CDH18: variants seen among roughly 807,000 people sequenced by gnomAD.
CDH18 encodes the protein cadherin-18.
A neutral mutation model predicts 67.9 loss-of-function variants in CDH18; 31 were observed. The ratio of observed to expected loss-of-function variants is 0.46; its 90% CI spans 0.34 to 0.62. The LOEUF is 0.62. CDH18 is among the 20% of genes least tolerant of loss of function. The pLI is 0.01. For missense variants in CDH18, 890 were observed against 975.5 expected (o/e 0.91, Z 1.17); for synonymous variants, 362 against 347.2 (o/e 1.04, Z -0.48).
chr5:19,507,773 G>A lies in CDH18; in HGVS notation c.1513-4664C>T, dbSNP rs1001894852. Among the ~76,000 whole-genome samples the A allele has an allele frequency of 8.5e-5, 13 of 152,224 alleles. No individual in the cohort carries two copies. The East Asian group carries it at 1.7e-3, about 20-fold the overall frequency. On this transcript the variant is annotated intron_variant, in intron 10 of 12. Transcript: ENST00000382275. ...CCTGTTGTGGGTTGGGAGGAGGGGC[G>A]AGGGATAACATTAGGAGATATATCT...
chr5:19,917,162 T>G (rs1235628309), intron 2 of CDH18, among the ~76,000 whole-genome samples: 1 of 152,198 alleles, frequency 6.6e-6, no homozygotes, highest in Admixed American at 6.5e-5. Context: ...CATAGTGACT[T>G]CTAAAAATTA....
In CDH18 at chr5:19,472,370, GA is replaced by G. The variant is rs1415644227; in HGVS notation, c.*855del. ...ATATAATAAAACAAGTGGAAAAAAG[GA>G]AAAAAAAAGTTCCCCAACATTTGGT... On this transcript the variant is annotated 3_prime_UTR_variant, in exon 13 of 13. Coordinates refer to ENST00000382275, the MANE Select transcript of CDH18 (RefSeq NM_004934.5). 1.1e-4 allele frequency among the ~76,000 whole-genome samples: 17 copies of G among 150,832 alleles called. No homozygotes were observed. The highest frequency in any genetic ancestry group is 1.6e-4 in the Non-Finnish European group (11 of 67,570).
In CDH18 at chr5:19,956,043, A is replaced by G. The variant is rs12187238; in HGVS notation, c.-257+25017T>C. On this transcript the variant is annotated intron_variant, in intron 2 of 12. Coordinates refer to ENST00000382275, the MANE Select transcript of CDH18 (RefSeq NM_004934.5). ...TAAGGGGCTACCTTAGAACAACATG[A>G]TATTTTCATAGTAGTTAGTGAAAAC... 8.6e-3 allele frequency among the ~76,000 whole-genome samples: 1,303 copies of G among 152,174 alleles called. 9 individuals are homozygous for G. The highest frequency in any genetic ancestry group is 0.02 in the Middle Eastern group (6 of 294).
At chr5:20,425,887 A>G (rs1026842384) in intron 1 of CDH18, among the ~76,000 whole-genome samples, 1 of 150,674 alleles carries the variant, frequency 6.6e-6, no homozygotes, top group African/African-American at 2.5e-5. Flanking sequence ...TGGCTTGATA[A>G]AACAGATGGT....
intron 6 of CDH18, among the ~76,000 whole-genome samples, chr5:19,609,718 A>G (rs1748637995): frequency 6.6e-6 from 1 of 152,020 alleles, no homozygotes; most frequent in Admixed American, 6.6e-5. Context: ...TTCAAGTGTC[A>G]ATTGTAAGAA....
rs527690421 is a variant in CDH18 at position 19,497,682 on chromosome 5, C to T, written c.1630+5310G>A. Among the ~76,000 whole-genome samples, 14 of 152,150 alleles carry T rather than the reference C, an allele frequency of 9.2e-5. 1 individual carries two copies. The East Asian group carries it at 1.5e-3, about 17-fold the overall frequency. Reference sequence around the variant, plus strand: ...AGAATTTCATCAGAGTATAGATGGGCGAAGATCTTCTTGGTGTGAGGAAAT... The same window carrying T: ...AGAATTTCATCAGAGTATAGATGGGTGAAGATCTTCTTGGTGTGAGGAAAT... On this transcript the variant is annotated intron_variant, in intron 11 of 12. Transcript: ENST00000382275.
rs1018597941 is a variant in CDH18, at chr5:20,329,283, C to G, written c.-579-73778G>C. Among the ~76,000 whole-genome samples the G allele has an allele frequency of 2.6e-5, 4 of 152,246 alleles. No homozygotes were observed. In the East Asian group the frequency reaches 5.8e-4, roughly 22 times the overall value. On this transcript the variant is annotated intron_variant, in intron 1 of 14. Transcript: ENST00000507958. ...ATAACACATCACTATTGATCTATTT[C>G]TTTTGAAGTTTTATTGAATTTTAGG...
intron 2 of CDH18, among the ~76,000 whole-genome samples, chr5:20,001,315 C>T (rs1210392241): frequency 6.6e-6 from 1 of 151,966 alleles, no homozygotes; most frequent in Non-Finnish European, 1.5e-5. Flanking sequence ...AATGTGAATT[C>T]TAGTACTTTC....
intron 2 of CDH18, among the ~76,000 whole-genome samples, chr5:19,935,011 T>G (rs964318388): frequency 1.3e-5 from 2 of 151,300 alleles, no homozygotes; most frequent in African/African-American, 4.8e-5. Flanking sequence ...GGCCTATGAT[T>G]ATGTCTCAGT....
chr5:19,621,667 CTGAG>C (rs1236904759), intron 5 of CDH18, among the ~76,000 whole-genome samples: 1 of 152,002 alleles, frequency 6.6e-6, no homozygotes, highest in African/African-American at 2.4e-5. Context: ...TTTCCAGGGG[CTGAG>C]TGAGAGGGAA....
intron 3 of CDH18, among the ~76,000 whole-genome samples, chr5:19,832,876 C>T (rs974341256): frequency 1.3e-5 from 2 of 151,838 alleles, no homozygotes; most frequent in African/African-American, 2.4e-5. Flanking sequence ...TGTTCTGCTC[C>T]GTTGCTCTAT....
chr5:20,186,500 G>A (rs536265198), intron 2 of CDH18, among the ~76,000 whole-genome samples: 2 of 151,932 alleles, frequency 1.3e-5, no homozygotes, highest in East Asian at 3.9e-4. Flanking sequence ...AATCAAGGAC[G>A]TGAATAGATA....
chr5:20,166,381 A>G (rs1219456165), intron 2 of CDH18, among the ~76,000 whole-genome samples: 1 of 142,826 alleles, frequency 7.0e-6, no homozygotes, highest in Non-Finnish European at 1.5e-5. Context: ...TGGAGGTTGT[A>G]GTGAGCCAAG....
chr5:20,248,108 G>T (rs557536786), intron 2 of CDH18, among the ~76,000 whole-genome samples: 1 of 152,234 alleles, frequency 6.6e-6, no homozygotes, highest in South Asian at 2.1e-4. Context: ...TGTGTGATCA[G>T]TGAATTTTTT....
At chr5:20,278,250 C>G (rs1196462696) in intron 1 of CDH18, among the ~76,000 whole-genome samples, 1 of 151,872 alleles carries the variant, frequency 6.6e-6, no homozygotes, top group Non-Finnish European at 1.5e-5. Flanking sequence ...AAGAAAGGAT[C>G]CTAAAAGCAG....
intron 3 of CDH18, among the ~76,000 whole-genome samples, chr5:19,780,161 A>C (rs948301073): frequency 3.3e-5 from 5 of 152,124 alleles, no homozygotes; most frequent in African/African-American, 1.2e-4. Context: ...CTTCAACTGA[A>C]GTCATTCATG....
intron 9 of CDH18, among the ~76,000 whole-genome samples, chr5:19,522,700 G>A (rs1255569162): frequency 6.6e-6 from 1 of 151,994 alleles, no homozygotes; most frequent in African/African-American, 2.4e-5. Flanking sequence ...ATCGAGACCA[G>A]CCTGGCCAAC....
At chr5:20,027,490 A>C (rs980529374) in intron 2 of CDH18, among the ~76,000 whole-genome samples, 1 of 152,200 alleles carries the variant, frequency 6.6e-6, no homozygotes, top group African/African-American at 2.4e-5. Flanking sequence ...AGAACCTGTT[A>C]CACATCTGAT....
chr5:20,233,311 C>T (rs767068946), intron 2 of CDH18, among the ~76,000 whole-genome samples: 4 of 151,234 alleles, frequency 2.6e-5, no homozygotes, highest in East Asian at 1.9e-4. Context: ...ATGAGTTTAA[C>T]GCTTTGTATC....
Sources: gnomAD v4.1 joint callset for allele counts (sites outside exome capture counted in the v4.1 genomes callset) on GRCh38, gnomAD v4.1.1 for gene constraint, MANE v1.5 for transcripts, NCBI Gene and HGNC (gene_info 2026-07-23, HGNC 2026-07-21) for gene names.